The following LHFPL2 variants were observed in gnomAD, a reference collection of about 807,000 sequenced individuals.
LHFPL2 encodes the protein LHFPL tetraspan subfamily member 2 protein.
Under a neutral mutation model 17.5 loss-of-function variants are expected in LHFPL2, and 7 were observed. The observed-to-expected ratio is 0.40, with a 90% CI of 0.23 to 0.75. The LOEUF (loss-of-function observed/expected upper bound fraction) is 0.75. Among genes scored for constraint, LHFPL2 ranks in the 30% least tolerant of loss-of-function variants. LHFPL2 has a pLI of 0.37. For synonymous variants in LHFPL2, 134 were observed against 116.2 expected, an observed-to-expected ratio of 1.15 and a Z score of -0.99; for missense variants, 241 against 294.8, an observed-to-expected ratio of 0.82 and a Z score of 1.34.
Position 78,493,654 on chromosome 5 carries a change from CTG to C in LHFPL2, c.431-4503_431-4502del, listed in dbSNP as rs200583892. Among the ~76,000 whole-genome samples, 1,308 of 152,208 alleles carry C rather than the reference CTG, an allele frequency of 8.6e-3. 12 individuals are homozygous for C. Among genetic ancestry groups the C allele is most frequent in the African/African-American group, 0.024 (1,014 of 41,514 alleles). ...CCCATGGAGGAAATCAGTAAAATAA[CTG>C]AGATACCAGTCAATAAGAATGAAAT... On this transcript the variant is annotated intron_variant, in intron 4 of 4. Coordinates refer to ENST00000380345, the MANE Select transcript of LHFPL2 (RefSeq NM_005779.3).
chr5:78,532,811 A>G (rs761863472), intron 3 of LHFPL2, among the ~76,000 whole-genome samples: 6 of 152,054 alleles, frequency 3.9e-5, no homozygotes, highest in Non-Finnish European at 7.4e-5. Flanking sequence ...TACTATTACC[A>G]TGATCATTTC....
intron 2 of LHFPL2, among the ~76,000 whole-genome samples, chr5:78,610,664 C>T (rs947383822): frequency 9.2e-5 from 14 of 152,142 alleles, no homozygotes; most frequent in African/African-American, 1.7e-4. Context: ...TCAGTAGTCC[C>T]GCTGGTACAG....
At chr5:78,551,153 C>G (rs1756429874) in intron 3 of LHFPL2, among the ~76,000 whole-genome samples, 1 of 152,102 alleles carries the variant, frequency 6.6e-6, no homozygotes, top group Admixed American at 6.5e-5. Context: ...ACTGCAATTT[C>G]AAAGGATGGA....
intron 3 of LHFPL2, among the ~76,000 whole-genome samples, chr5:78,536,174 G>A (rs1755945970): frequency 6.6e-6 from 1 of 152,174 alleles, no homozygotes; most frequent in South Asian, 2.1e-4. Flanking sequence ...ATCAGAAACA[G>A]CTAATGGGAT....
At chr5:78,585,675 A>ACCT (rs923172634) in intron 2 of LHFPL2, among the ~76,000 whole-genome samples, 4 of 151,600 alleles carry the variant, frequency 2.6e-5, no homozygotes, top group South Asian at 2.1e-4. Context: ...AACAACCTCC[A>ACCT]CCTCCTCCTC....
intron 2 of LHFPL2, among the ~76,000 whole-genome samples, chr5:78,594,667 C>T (rs1743765097): frequency 6.6e-6 from 1 of 152,092 alleles, no homozygotes; most frequent in Non-Finnish European, 1.5e-5. Context: ...CTAAGTGTTC[C>T]CCTGGGATAA....
chr5:78,531,206 G>A lies in LHFPL2; in HGVS notation c.-185-20808C>T, dbSNP rs1018286821. Among the ~76,000 whole-genome samples, 8 of 151,170 alleles carry A rather than the reference G, an allele frequency of 5.3e-5. No homozygotes were observed. In the East Asian group the frequency reaches 9.7e-4, roughly 18 times the overall value. The stretch of plus-strand genomic sequence containing the variant: ...TGAGGCAGGCGGATCACCTGAGGTC[G>A]GGAGTTCGAGACCAGCCTGATCAAC... On this transcript the variant is annotated intron_variant, in intron 3 of 4. Transcript: ENST00000380345.
At chr5:78,580,514 A>C (rs1187651645) in intron 2 of LHFPL2, among the ~76,000 whole-genome samples, 5 of 147,838 alleles carry the variant, frequency 3.4e-5, no homozygotes, top group Non-Finnish European at 6.1e-5. Flanking sequence ...TCTTGAATTG[A>C]TTTTTGTATA....
chr5:78,583,831 C>A (rs1743249980), intron 2 of LHFPL2, among the ~76,000 whole-genome samples: 1 of 149,428 alleles, frequency 6.7e-6, no homozygotes, highest in Non-Finnish European at 1.5e-5. Context: ...TGTTGGCCTG[C>A]CTTGCTAGAT....
chr5:78,550,043 C>A (rs916061087), intron 3 of LHFPL2, among the ~76,000 whole-genome samples: 1 of 152,204 alleles, frequency 6.6e-6, no homozygotes, highest in African/African-American at 2.4e-5. Context: ...ACAAATGTTA[C>A]AATTCACTCT....
At chr5:78,598,739 G>C (rs1358613704) in intron 2 of LHFPL2, among the ~76,000 whole-genome samples, 1 of 152,138 alleles carries the variant, frequency 6.6e-6, no homozygotes, top group Non-Finnish European at 1.5e-5. Context: ...TTCTGATAGA[G>C]AAAGCATTCT....
chr5:78,612,793 C>A lies in LHFPL2; in HGVS notation c.-245+19471G>T, dbSNP rs1410374469. ...AGAGCTGGACTCCCTTTTACAGCAG[C>A]ACTTAATCCTGCATTTAAAGTGCCC... On this transcript the variant is annotated intron_variant, in intron 2 of 4. Transcript: ENST00000380345. Among the ~76,000 whole-genome samples, 3 of 152,226 alleles carry A rather than the reference C, an allele frequency of 2.0e-5. 1 individual carries two copies. The highest frequency in any genetic ancestry group is 4.4e-5 in the Non-Finnish European group (3 of 68,044).
At chr5:78,590,721 C>T (rs1024442787) in intron 2 of LHFPL2, among the ~76,000 whole-genome samples, 1 of 152,152 alleles carries the variant, frequency 6.6e-6, no homozygotes, top group African/African-American at 2.4e-5. Flanking sequence ...AACAGTCATA[C>T]GAAACCTAGA....
intron 4 of LHFPL2, among the ~76,000 whole-genome samples, chr5:78,500,699 A>G (rs1019124458): frequency 2.6e-5 from 4 of 152,172 alleles, no homozygotes; most frequent in African/African-American, 9.7e-5. Context: ...TATAACATGA[A>G]TCAAGAATTT....
At chr5:78,561,492 C>T (rs1033836672) in intron 3 of LHFPL2, among the ~76,000 whole-genome samples, 4 of 152,214 alleles carry the variant, frequency 2.6e-5, no homozygotes, top group South Asian at 2.1e-4. Flanking sequence ...CCCAGTGCTG[C>T]GTTCGCCCAT....
intron 2 of LHFPL2, among the ~76,000 whole-genome samples, chr5:78,573,992 T>A (rs1757066565): frequency 6.6e-6 from 1 of 152,304 alleles, no homozygotes; most frequent in East Asian, 1.9e-4. Flanking sequence ...CTATATTTTA[T>A]AGGAAACAAA....
intron 3 of LHFPL2, among the ~76,000 whole-genome samples, chr5:78,544,399 A>G (rs550360676): frequency 6.6e-6 from 1 of 152,320 alleles, no homozygotes; most frequent in East Asian, 1.9e-4. Context: ...CATTTTGAAC[A>G]CAATATACAA....
intron 4 of LHFPL2, among the ~76,000 whole-genome samples, chr5:78,496,388 G>T (rs1754607296): frequency 6.6e-6 from 1 of 152,228 alleles, no homozygotes; most frequent in Non-Finnish European, 1.5e-5. Context: ...GTCTGTCTTT[G>T]AAATAGCTGG....
At chr5:78,537,047 G>T (rs570187339) in intron 3 of LHFPL2, among the ~76,000 whole-genome samples, 1 of 152,318 alleles carries the variant, frequency 6.6e-6, no homozygotes, top group East Asian at 1.9e-4. Flanking sequence ...AACTGTGGAA[G>T]TTCAGACCCC....
Sources: gnomAD v4.1 joint callset for allele counts (sites outside exome capture counted in the v4.1 genomes callset) on GRCh38, gnomAD v4.1.1 for gene constraint, MANE v1.5 for transcripts, NCBI Gene and HGNC (gene_info 2026-07-23, HGNC 2026-07-21) for gene names.